The following SHISA9 variants were observed in gnomAD, a reference collection of about 807,000 sequenced individuals.
SHISA9 encodes the protein shisa family member 9, also known as protein shisa-9.
In SHISA9, 13 loss-of-function variants were observed where a neutral mutation model predicts 38.0. The observed-to-expected ratio is 0.34, with a 90% CI of 0.22 to 0.54. SHISA9 has a LOEUF of 0.54. Ranked by LOEUF, SHISA9 falls within the 20% of genes least tolerant of loss-of-function variation. SHISA9 has a pLI of 0.91. For missense variants in SHISA9, 538 were observed against 575.8 expected (o/e 0.93, Z 0.67); for synonymous variants, 275 against 242.0 (o/e 1.14, Z -1.27).
chr16:13,233,956 T>C (rs572568740), intron 4 of SHISA9, among the ~76,000 whole-genome samples: 1 of 152,270 alleles, frequency 6.6e-6, no homozygotes, highest in Admixed American at 6.5e-5. Context: ...TGAGCTATGA[T>C]TGTGCCACTG....
At chr16:13,453,556 C>A in the SHISA9 span, among the ~76,000 whole-genome samples, 1 of 152,154 alleles carries the variant, frequency 6.6e-6, no homozygotes, top group Non-Finnish European at 1.5e-5. Context: ...TGGAACAAAG[C>A]CAAATTGCCC....
the SHISA9 span, among the ~76,000 whole-genome samples, chr16:13,466,966 A>C: frequency 6.6e-6 from 1 of 152,208 alleles, no homozygotes; most frequent in Admixed American, 6.5e-5. Context: ...GGTTGTACTC[A>C]GGATAGTTGT....
chr16:13,019,125 G>C (rs1032356650), intron 2 of SHISA9, among the ~76,000 whole-genome samples: 24 of 151,958 alleles, frequency 1.6e-4, no homozygotes, highest in African/African-American at 5.8e-4. Context: ...TTACCCTCCC[G>C]AGTAGCTGGA....
At chr16:13,254,083 A>G in the SHISA9 span, among the ~76,000 whole-genome samples, 8 of 152,174 alleles carry the variant, frequency 5.3e-5, no homozygotes, top group Non-Finnish European at 7.3e-5. Context: ...CAGGCTGCCA[A>G]TCTTTTCTAT....
At chr16:13,453,920 CTATGT>C in the SHISA9 span, among the ~76,000 whole-genome samples, 11 of 152,316 alleles carry the variant, frequency 7.2e-5, no homozygotes, top group Non-Finnish European at 1.5e-4. Flanking sequence ...CTTGTCCGAT[CTATGT>C]TATAATACCC....
chr16:12,961,021 CAT>C (rs894648171), intron 2 of SHISA9, among the ~76,000 whole-genome samples: 2 of 150,706 alleles, frequency 1.3e-5, no homozygotes, highest in African/African-American at 2.5e-5. Context: ...ATATCTGTAA[CAT>C]GTGGGGGGGA....
chr16:13,280,979 C>T, the SHISA9 span, among the ~76,000 whole-genome samples: 2 of 151,766 alleles, frequency 1.3e-5, no homozygotes, highest in Admixed American at 1.3e-4. Context: ...ATTTTGCAGT[C>T]TTTGCCACTA....
chr16:13,167,001 A>AT (rs949434002), intron 2 of SHISA9, among the ~76,000 whole-genome samples: 3 of 148,374 alleles, frequency 2.0e-5, no homozygotes, highest in Admixed American at 6.7e-5. Context: ...ATTTTTTAAG[A>AT]TTTTTTTTCC....
chr16:13,133,529 T>C (rs137936462), intron 2 of SHISA9, among the ~76,000 whole-genome samples: 223 of 152,278 alleles, frequency 1.5e-3, no homozygotes, highest in African/African-American at 5.1e-3. Flanking sequence ...CAGGGTGAGA[T>C]ATTTCTCTGT....
chr16:13,136,396 CTTTTTTTTTTTTTT>C (rs35122409), intron 2 of SHISA9, among the ~76,000 whole-genome samples: 266 of 68,124 alleles, frequency 3.9e-3, no homozygotes, highest in African/African-American at 0.016. Context: ...CAGTTTCCTT[CTTTTTTTTTTTTTT>C]TTTTTTTTTT....
chr16:12,942,675 A>T (rs2071626908), intron 2 of SHISA9, among the ~76,000 whole-genome samples: 1 of 152,204 alleles, frequency 6.6e-6, no homozygotes, highest in Admixed American at 6.5e-5. Context: ...AATGAGAACA[A>T]TGTAGTTGAC....
At chr16:13,167,072 C>T (rs369815752) in intron 2 of SHISA9, among the ~76,000 whole-genome samples, 177 of 124,222 alleles carry the variant, frequency 1.4e-3, no homozygotes, top group Non-Finnish European at 1.7e-3. Context: ...TCTCTTTTTT[C>T]TTTTTTTTTT....
intron 2 of SHISA9, among the ~76,000 whole-genome samples, chr16:13,030,283 A>T (rs1336303697): frequency 1.3e-5 from 2 of 152,122 alleles, no homozygotes; most frequent in Admixed American, 6.5e-5. Flanking sequence ...GCTCTCCTGT[A>T]GGTGAGGTGA....
chr16:13,414,401 G>T, the SHISA9 span, among the ~76,000 whole-genome samples: 1 of 152,126 alleles, frequency 6.6e-6, no homozygotes, highest in Non-Finnish European at 1.5e-5. Context: ...AGCACACAGG[G>T]AGAAAATGGA....
At position 12,902,196 on chromosome 16, in the gene SHISA9, C is replaced by T. The variant is rs1341935671; in HGVS notation, c.132C>T (p.Gly44=). ...QLGGVLLLAG[G]NRSGAASGEA... ...GCGGCGTGTTGCTGCTGGCGGGGGG[C>T]AACCGCTCCGGGGCCGCCTCCGGAG... Residue 44 remains glycine, a synonymous_variant, in exon 1 of 5, where the codon GGC becomes GGT. Coordinates refer to ENST00000558583, the MANE Select transcript of SHISA9 (RefSeq NM_001145204.3). 1.3e-6 allele frequency: 2 copies of T among 1,528,666 alleles called. No individual in the cohort carries two copies. The highest frequency in any genetic ancestry group is 1.7e-6 in the Non-Finnish European group (2 of 1,143,140). 94.7% of individuals were successfully genotyped at this position (1,528,666 alleles called of 1,614,324 possible).
the SHISA9 span, among the ~76,000 whole-genome samples, chr16:13,310,335 T>TA: frequency 2.0e-5 from 3 of 152,046 alleles, no homozygotes; most frequent in East Asian, 5.8e-4. Flanking sequence ...ATTTAGGACA[T>TA]AAAAAATGTT....
In SHISA9 at chr16:12,995,212, C is replaced by T. The variant is rs2072443406; in HGVS notation, c.691+78397C>T. On this transcript the variant is annotated intron_variant, in intron 2 of 4. Coordinates refer to ENST00000558583, the MANE Select transcript of SHISA9 (RefSeq NM_001145204.3). Reference sequence around the variant, plus strand: ...GGGGAATCCATCCCCGCAAGCATTTCTCCTTTGCATTACAAACAATTCATT... The same window carrying T: ...GGGGAATCCATCCCCGCAAGCATTTTTCCTTTGCATTACAAACAATTCATT... 2.0e-5 allele frequency among the ~76,000 whole-genome samples: 3 copies of T among 152,284 alleles called. No homozygotes were observed. The South Asian group carries it at 6.2e-4, about 32-fold the overall frequency.
intron 4 of SHISA9, among the ~76,000 whole-genome samples, chr16:13,229,991 C>T (rs920670598): frequency 6.6e-6 from 1 of 152,170 alleles, no homozygotes; most frequent in Non-Finnish European, 1.5e-5. Context: ...CATAGTTATA[C>T]ATTTATGTAA....
intron 2 of SHISA9, among the ~76,000 whole-genome samples, chr16:13,196,794 A>T (rs1327697512): frequency 6.6e-6 from 1 of 152,182 alleles, no homozygotes; most frequent in Non-Finnish European, 1.5e-5. Flanking sequence ...GAGTTTGTTT[A>T]AAAAATTTAT....
Sources: allele counts gnomAD v4.1 joint callset (sites outside exome capture counted in the v4.1 genomes callset), GRCh38; gene constraint gnomAD v4.1.1; transcripts MANE v1.5; gene names NCBI Gene and HGNC (gene_info 2026-07-23, HGNC 2026-07-21).